Variants in TBC1D5 observed in about 807,000 individuals in gnomAD.
TBC1D5 encodes TBC1 domain family, member 5.
Under a neutral mutation model 100.3 loss-of-function variants are expected in TBC1D5, and 75 were observed. The observed-to-expected ratio is 0.75, with a 90% confidence interval of 0.62 to 0.91. TBC1D5 has a LOEUF of 0.91. TBC1D5 is among the 40% of genes least tolerant of loss of function. TBC1D5 has a pLI of 0.00. For missense variants in TBC1D5, 910 were observed against 942.4 expected (o/e 0.97, Z 0.45); for synonymous variants, 323 against 325.6 (o/e 0.99, Z 0.09).
At chr3:17,610,035 C>T (rs562983221) in intron 2 of TBC1D5, among the ~76,000 whole-genome samples, 1 of 152,324 alleles carries the variant, frequency 6.6e-6, no homozygotes, top group East Asian at 1.9e-4. Context: ...CAGATTCAAG[C>T]TGTTGCCCAT....
chr3:17,161,829 T>G (rs2066087120), intron 21 of TBC1D5, among the ~76,000 whole-genome samples: 1 of 152,254 alleles, frequency 6.6e-6, no homozygotes, highest in Non-Finnish European at 1.5e-5. Flanking sequence ...TCATCTCATG[T>G]AGATCTCATT....
At chr3:17,336,471 C>G (rs1230443597) in intron 13 of TBC1D5, among the ~76,000 whole-genome samples, 1 of 152,026 alleles carries the variant, frequency 6.6e-6, no homozygotes, top group Non-Finnish European at 1.5e-5. Context: ...TTTGGTTCTG[C>G]AGCTAAAATA....
chr3:17,376,608 C>CAT lies in TBC1D5; in HGVS notation c.616_617dup (p.Met206IlefsTer6), dbSNP rs754121089. 6 of 1,611,250 alleles carry CAT rather than the reference C, an allele frequency of 3.7e-6. No individual in the cohort carries two copies. The highest frequency in any genetic ancestry group is 3.4e-6 in the Non-Finnish European group (4 of 1,178,846). On this transcript the variant is annotated frameshift_variant, in exon 10 of 22. Transcript: ENST00000253692. LOFTEE classifies it high-confidence loss of function. ...AGACTATAGGTGCTAACAGTTCGTG[C>CAT]ATGCCCTGAAATAAAAGAGCCAGAA...
rs901389667 is a variant in TBC1D5 at position 17,193,115 on chromosome 3, T to C, written c.1753-7907A>G. Among the ~76,000 whole-genome samples the C allele has an allele frequency of 1.9e-4, 29 of 152,200 alleles. 1 individual carries two copies. The highest frequency in any genetic ancestry group is 1.4e-3 in the Admixed American group (21 of 15,280). ...TCCTTATAATTTATAAAGTTAAAAA[T>C]TGCCTGTGATAAAATTGGGGTGGCC... On this transcript the variant is annotated intron_variant, in intron 18 of 21. Transcript: ENST00000253692.
chr3:17,415,070 C>T (rs1269242671), intron 4 of TBC1D5, among the ~76,000 whole-genome samples: 1 of 152,120 alleles, frequency 6.6e-6, no homozygotes, highest in Non-Finnish European at 1.5e-5. Flanking sequence ...AACCTTGAGC[C>T]TTCACCTTAG....
chr3:17,368,714 A>G (rs557915614), intron 13 of TBC1D5, among the ~76,000 whole-genome samples: 2 of 151,782 alleles, frequency 1.3e-5, no homozygotes, highest in East Asian at 1.9e-4. Flanking sequence ...CATTTTTACT[A>G]TAATTTATAA....
At position 17,251,339 on chromosome 3, in the gene TBC1D5, G is replaced by C. The variant is rs764224189; in HGVS notation, c.1331+7167C>G. 4.2e-4 allele frequency among the ~76,000 whole-genome samples: 64 copies of C among 151,938 alleles called. 2 individuals carry two copies. Among genetic ancestry groups the C allele is most frequent in the Non-Finnish European group, 3.7e-4 (25 of 67,978 alleles). On this transcript the variant is annotated intron_variant, in intron 16 of 21. Coordinates refer to ENST00000253692, the Ensembl canonical transcript of TBC1D5. ...TTGCTACTATTTCCTTGGCTGTTTG[G>C]AGGCTATTAAAGAGTTGGTGCATTG...
intron 1 of TBC1D5, among the ~76,000 whole-genome samples, chr3:17,665,576 T>A (rs557719215): frequency 6.6e-6 from 1 of 152,340 alleles, no homozygotes; most frequent in East Asian, 1.9e-4. Context: ...ATCCGTCTGC[T>A]AATTTGGTTT....
chr3:17,692,537 A>C (rs1400442788), intron 1 of TBC1D5, among the ~76,000 whole-genome samples: 1 of 152,226 alleles, frequency 6.6e-6, no homozygotes, highest in Non-Finnish European at 1.5e-5. Flanking sequence ...GAATAGAATA[A>C]AAGAGGTCTA....
intron 4 of TBC1D5, among the ~76,000 whole-genome samples, chr3:17,419,099 C>A (rs1395391355): frequency 6.6e-6 from 1 of 152,186 alleles, no homozygotes; most frequent in East Asian, 1.9e-4. Context: ...CCCTCATGCA[C>A]ATACGCTGAA....
At chr3:17,704,075 G>A (rs1233426468) in intron 1 of TBC1D5, among the ~76,000 whole-genome samples, 1 of 143,348 alleles carries the variant, frequency 7.0e-6, no homozygotes, top group Non-Finnish European at 1.5e-5. Flanking sequence ...GCGGCCTTCC[G>A]CAGTGTTTGT....
intron 17 of TBC1D5, among the ~76,000 whole-genome samples, chr3:17,228,320 G>A (rs2075109496): frequency 6.6e-6 from 1 of 152,156 alleles, no homozygotes; most frequent in African/African-American, 2.4e-5. Context: ...TCATCTACAA[G>A]TGGCTGTGTG....
At chr3:17,362,912 C>T (rs1432908422) in intron 13 of TBC1D5, among the ~76,000 whole-genome samples, 7 of 152,200 alleles carry the variant, frequency 4.6e-5, no homozygotes, top group African/African-American at 9.6e-5. Context: ...TCCAATGTCA[C>T]TACCATGATA....
chr3:17,323,263 G>A (rs969274249), intron 13 of TBC1D5, among the ~76,000 whole-genome samples: 9 of 152,168 alleles, frequency 5.9e-5, no homozygotes, highest in South Asian at 2.1e-4. Context: ...GACTCATATC[G>A]TGAGGCCAGC....
chr3:17,578,391 T>C (rs1304113577), intron 2 of TBC1D5, among the ~76,000 whole-genome samples: 2 of 151,986 alleles, frequency 1.3e-5, no homozygotes, highest in Non-Finnish European at 1.5e-5. Context: ...ATCCAAAAAA[T>C]ACAGGTTTAG....
intron 1 of TBC1D5, among the ~76,000 whole-genome samples, chr3:17,739,158 T>TAC (rs2077194846): frequency 6.6e-6 from 1 of 152,128 alleles, no homozygotes; most frequent in South Asian, 2.1e-4. Flanking sequence ...ACACACACTG[T>TAC]ACACACTGCC....
intron 2 of TBC1D5, among the ~76,000 whole-genome samples, chr3:17,529,700 G>A (rs2096192483): frequency 4.0e-5 from 6 of 151,690 alleles, no homozygotes; most frequent in Admixed American, 3.9e-4. Context: ...AGGCTGGAGT[G>A]CAGTGGCATA....
intron 2 of TBC1D5, among the ~76,000 whole-genome samples, chr3:17,589,119 C>T (rs575672579): frequency 6.6e-4 from 101 of 152,242 alleles, no homozygotes; most frequent in Non-Finnish European, 8.7e-4. Context: ...CATTCAAGTA[C>T]AATACAATGA....
chr3:17,696,444 A>AGGTGTGTATTTCTGTGT (rs2072095298), intron 1 of TBC1D5, among the ~76,000 whole-genome samples: 1 of 152,218 alleles, frequency 6.6e-6, no homozygotes, highest in Non-Finnish European at 1.5e-5. Flanking sequence ...CAGAAATACA[A>AGGTGTGTATTTCTGTGT]ACTACCATCA....
Sources: gnomAD v4.1 joint callset for allele counts (sites outside exome capture counted in the v4.1 genomes callset) on GRCh38, gnomAD v4.1.1 for gene constraint, MANE v1.5 for transcripts, NCBI Gene and HGNC (gene_info 2026-07-23, HGNC 2026-07-21) for gene names.